The following CUL4A variants were observed in gnomAD, a reference collection of about 807,000 sequenced individuals.
CUL4A encodes the protein cullin 4A.
CUL4A carries 16 observed loss-of-function variants against 95.5 expected under a neutral mutation model. The ratio of observed to expected loss-of-function variants is 0.17; its 90% CI spans 0.11 to 0.25. CUL4A has a LOEUF of 0.25. Among genes scored for constraint, CUL4A ranks in the 10% least tolerant of loss-of-function variants. CUL4A has a pLI of 1.00. For synonymous variants in CUL4A, 380 were observed against 353.1 expected (o/e 1.08, Z -0.85); for missense variants, 610 against 937.0 (o/e 0.65, Z 4.56).
chr13:113,238,996 A>G (rs910902305), intron 9 of CUL4A, among the ~76,000 whole-genome samples: 2 of 152,252 alleles, frequency 1.3e-5, no homozygotes, highest in Non-Finnish European at 2.9e-5. Flanking sequence ...ATATCCGATG[A>G]TGTTTTTCTC....
upstream of CUL4A, chr13:113,209,579 T>A (rs2040263536): frequency 2.1e-6 from 2 of 958,362 alleles, no homozygotes; most frequent in Non-Finnish European, 2.5e-6. Context: ...GGAGCGGAGC[T>A]CGGCGGGCGG....
chr13:113,237,931 C>T (rs561330309), intron 9 of CUL4A, among the ~76,000 whole-genome samples: 35 of 152,288 alleles, frequency 2.3e-4, no homozygotes, highest in Non-Finnish European at 4.3e-4. Context: ...TCTGTGAAAT[C>T]ATTATCCCCA....
chr13:113,254,155 C>T (rs920282988), intron 16 of CUL4A, among the ~76,000 whole-genome samples: 5 of 151,994 alleles, frequency 3.3e-5, no homozygotes, highest in Admixed American at 2.0e-4. Context: ...GGGCTGGGTC[C>T]GCAGAGGGGG....
At chr13:113,257,651 A>G (rs2042163796) in intron 18 of CUL4A, among the ~76,000 whole-genome samples, 1 of 146,070 alleles carries the variant, frequency 6.8e-6, no homozygotes, top group African/African-American at 2.5e-5. Context: ...GCCCCCACCC[A>G]CCCGGTCCCA....
At position 113,233,255 on chromosome 13, in the gene CUL4A, A is replaced by G. The variant is rs2041421538; in HGVS notation, c.591A>G (p.Leu197=). 6.2e-7 allele frequency: 1 copy of G among 1,614,122 alleles called. No individual in the cohort carries two copies. The change falls in exon 6 of 20, where the codon CTA becomes CTG. Residue 197 remains leucine, a synonymous_variant. Transcript: ENST00000375440. ...AGAGTAAAACCATTGATGGAATCCT[A>G]CTGCTGATCGAGCGCGAGAGGAGCG... The part of the protein sequence containing the change: ...MVQSKTIDGI[L]LLIERERSGE...
chr13:113,229,627 C>A, intron 5 of CUL4A, 108 bp downstream of exon 5: 3 of 925,272 alleles, frequency 3.2e-6, no homozygotes, highest in Non-Finnish European at 5.0e-6. Context: ...ATTACTTGTG[C>A]CTTCCTTTCT....
At chr13:113,242,886 A>G (rs932084213) in intron 10 of CUL4A, 82 bp from the exon 11 acceptor site, 1 of 1,091,750 alleles carries the variant, frequency 9.2e-7, no homozygotes, top group Non-Finnish European at 1.3e-6. Flanking sequence ...ATGTTAAACT[A>G]TCCTGATTAT....
At chr13:113,216,068 T>G (rs1370289045) in intron 2 of CUL4A, among the ~76,000 whole-genome samples, 1 of 142,594 alleles carries the variant, frequency 7.0e-6, no homozygotes. Flanking sequence ...TGTGGAGGTC[T>G]TTGTGTGACT....
At chr13:113,255,750 G>T (rs2042105301) in intron 18 of CUL4A, among the ~76,000 whole-genome samples, 1 of 152,056 alleles carries the variant, frequency 6.6e-6, no homozygotes, top group Admixed American at 6.5e-5. Flanking sequence ...TCTGCTTTTT[G>T]CACTGAAGGA....
chr13:113,227,714 A>C (rs562353207), intron 3 of CUL4A, among the ~76,000 whole-genome samples: 2 of 151,966 alleles, frequency 1.3e-5, no homozygotes, highest in East Asian at 3.9e-4. Context: ...GATCAGCCTG[A>C]CCAACATGGT....
At chr13:113,225,608 T>G (rs1345100386) in intron 3 of CUL4A, among the ~76,000 whole-genome samples, 1 of 152,210 alleles carries the variant, frequency 6.6e-6, no homozygotes, top group Non-Finnish European at 1.5e-5. Flanking sequence ...CCCGTTAAGT[T>G]TAAAGGATCT....
intron 9 of CUL4A, among the ~76,000 whole-genome samples, chr13:113,237,118 A>T (rs2041570605): frequency 6.6e-6 from 1 of 152,212 alleles, no homozygotes; most frequent in South Asian, 2.1e-4. Flanking sequence ...CTAAAACCCC[A>T]GTGGCAGGAA....
chr13:113,223,051 G>A (rs2040959031), intron 3 of CUL4A, among the ~76,000 whole-genome samples: 1 of 152,180 alleles, frequency 6.6e-6, no homozygotes, highest in Non-Finnish European at 1.5e-5. Flanking sequence ...AGTCTGAGGG[G>A]ATGATGAGAC....
intron 9 of CUL4A, among the ~76,000 whole-genome samples, chr13:113,238,027 C>T (rs1415690494): frequency 2.0e-5 from 3 of 152,182 alleles, no homozygotes; most frequent in Non-Finnish European, 4.4e-5. Flanking sequence ...GTCACGGGTC[C>T]AATCTGGTTA....
At chr13:113,233,852 A>G in intron 6 of CUL4A, 45 bp from the exon 7 acceptor site, 1 of 1,048,908 alleles carries the variant, frequency 9.5e-7, no homozygotes, top group Non-Finnish European at 1.5e-6. Context: ...TTGTGAAGAT[A>G]GTTTCCTTTA....
chr13:113,208,959 C>G (rs961339955), upstream of CUL4A: 3 of 1,168,096 alleles, frequency 2.6e-6, no homozygotes, highest in Non-Finnish European at 3.2e-6. Flanking sequence ...GCTGACCCTT[C>G]GTCTGCCCCT....
rs2042408147 is a variant in CUL4A, at chr13:113,267,046, CTG to C, written c.*3466_*3467del. 1 of 152,120 alleles carries C rather than the reference CTG, an allele frequency of 6.6e-6. No homozygotes were observed. The highest frequency in any genetic ancestry group is 6.5e-5 in the Admixed American group (1 of 15,270). The allele number at this position is 152,120 out of a possible 1,614,324, so 9.4% of individuals were successfully genotyped here. A position where few individuals can be genotyped will look rare whatever the true frequency, so the allele number is the denominator to read the frequency against. ...GAAATGTACAATACTCAATTTTTGA[CTG>C]TATTCACCATGCTGTACAATAGAAC... On this transcript the variant is annotated 3_prime_UTR_variant, in exon 20 of 20. Transcript: ENST00000375440.
At chr13:113,243,381 A>G (rs1003909214) in intron 11 of CUL4A, among the ~76,000 whole-genome samples, 1 of 152,172 alleles carries the variant, frequency 6.6e-6, no homozygotes, top group African/African-American at 2.4e-5. Flanking sequence ...ATAAGGGAAG[A>G]TGAGGTAAGA....
chr13:113,250,368 C>G (rs1247675820), intron 15 of CUL4A, among the ~76,000 whole-genome samples: 1 of 152,112 alleles, frequency 6.6e-6, no homozygotes, highest in Non-Finnish European at 1.5e-5. Context: ...GGCAGGATTG[C>G]CTGAGTCTGG....
Sources: gnomAD v4.1 joint callset for allele counts (sites outside exome capture counted in the v4.1 genomes callset) on GRCh38, gnomAD v4.1.1 for gene constraint, MANE v1.5 for transcripts, NCBI Gene and HGNC (gene_info 2026-07-23, HGNC 2026-07-21) for gene names.